Variants in SDC2 observed in about 807,000 individuals in gnomAD.
SDC2 encodes the protein syndecan 2.
A neutral mutation model predicts 22.2 loss-of-function variants in SDC2; 13 were observed. The observed-to-expected ratio is 0.59, with a 90% CI of 0.38 to 0.93. SDC2 has a LOEUF of 0.93. SDC2 is among the 40% of genes least tolerant of loss of function. SDC2 has a pLI of 0.00. For missense variants in SDC2, 235 were observed against 246.8 expected (o/e 0.95, Z 0.32); for synonymous variants, 94 against 92.8 (o/e 1.01, Z -0.07).
chr8:96,603,656 A>G (rs565654208), intron 3 of SDC2, among the ~76,000 whole-genome samples: 2 of 152,092 alleles, frequency 1.3e-5, no homozygotes, highest in African/African-American at 4.8e-5. Flanking sequence ...CTTGCCCCAG[A>G]GTACCTTTGT....
intron 1 of SDC2, among the ~76,000 whole-genome samples, chr8:96,532,758 G>T (rs114159268): frequency 0.031 from 4,672 of 152,140 alleles, 238 homozygotes; most frequent in African/African-American, 0.1. Context: ...GAGTACATCC[G>T]GGCTATGCAT....
chr8:96,509,486 G>A (rs1490716288), intron 1 of SDC2, among the ~76,000 whole-genome samples: 1 of 141,716 alleles, frequency 7.1e-6, no homozygotes, highest in Admixed American at 7.0e-5. Context: ...AAAGGAGGAG[G>A]CATTTTGGTT....
intron 1 of SDC2, among the ~76,000 whole-genome samples, chr8:96,571,665 C>G (rs760826942): frequency 3.3e-5 from 5 of 152,134 alleles, no homozygotes; most frequent in Admixed American, 6.5e-5. Flanking sequence ...GACAGCACCC[C>G]CTCTTGCTGG....
At chr8:96,505,424 C>T in intron 1 of SDC2, among the ~76,000 whole-genome samples, 1 of 152,112 alleles carries the variant, frequency 6.6e-6, no homozygotes, top group Admixed American at 6.5e-5. Flanking sequence ...CTGCCTCAGC[C>T]TTCTGAGTAG....
At chr8:96,516,561 C>T (rs1422922084) in intron 1 of SDC2, among the ~76,000 whole-genome samples, 1 of 152,012 alleles carries the variant, frequency 6.6e-6, no homozygotes, top group East Asian at 1.9e-4. Flanking sequence ...AAAAAAAAAC[C>T]TGTACCCATT....
intron 1 of SDC2, among the ~76,000 whole-genome samples, chr8:96,552,381 A>T (rs1374758612): frequency 6.6e-6 from 1 of 152,208 alleles, no homozygotes; most frequent in African/African-American, 2.4e-5. Context: ...GGGTTTCAAA[A>T]TTGAGAGAGA....
At chr8:96,603,970 A>G (rs144921800) in intron 3 of SDC2, among the ~76,000 whole-genome samples, 1 of 152,358 alleles carries the variant, frequency 6.6e-6, no homozygotes, top group African/African-American at 2.4e-5. Flanking sequence ...GGGAGAAATG[A>G]AAAGTGCAGG....
At chr8:96,530,654 A>G (rs1813646628) in intron 1 of SDC2, among the ~76,000 whole-genome samples, 1 of 152,178 alleles carries the variant, frequency 6.6e-6, no homozygotes, top group African/African-American at 2.4e-5. Context: ...AAACGAAACA[A>G]AAAAACCTGC....
Position 96,508,483 on chromosome 8 carries a change from A to AGGACTTCTTAGT in SDC2, c.60+14152_60+14153insGGACTTCTTAGT, listed in dbSNP as rs1436523391. On this transcript the variant is annotated intron_variant, in intron 1 of 4. Coordinates refer to ENST00000302190, the MANE Select transcript of SDC2 (RefSeq NM_002998.4). ...ACTCCAGCCTGGGTGACAGAGCAAG[A>AGGACTTCTTAGT]CTCCATCTCAAAAAAAAGAAAAAAA... 8.3e-4 allele frequency among the ~76,000 whole-genome samples: 117 copies of AGGACTTCTTAGT among 141,392 alleles called. 2 individuals are homozygous for AGGACTTCTTAGT. Among genetic ancestry groups the AGGACTTCTTAGT allele is most frequent in the Non-Finnish European group, 1.0e-3 (63 of 61,986 alleles). The allele number at this position is 141,392 out of a possible 152,430, so 92.8% of individuals were successfully genotyped here.
At position 96,611,648 on chromosome 8, in the gene SDC2, A is replaced by C. The variant is rs1315320116; in HGVS notation, c.*2100A>C. ...CAAAGCAGAGTGAAATTCAATTCATAGAATAACAACTGCTGGGAATATCCG... is the reference window on the plus strand; with the variant it reads ...CAAAGCAGAGTGAAATTCAATTCATCGAATAACAACTGCTGGGAATATCCG... On this transcript the variant is annotated 3_prime_UTR_variant, in exon 5 of 5. Coordinates refer to ENST00000302190, the MANE Select transcript of SDC2 (RefSeq NM_002998.4). 3 of 152,696 alleles carry C rather than the reference A, an allele frequency of 2.0e-5. No individual in the cohort carries two copies. In the East Asian group the frequency reaches 5.8e-4, roughly 29 times the overall value. The allele number at this position is 152,696 out of a possible 1,614,324, so 9.5% of individuals were successfully genotyped here.
intron 1 of SDC2, among the ~76,000 whole-genome samples, chr8:96,519,716 A>G (rs1375044061): frequency 6.6e-6 from 1 of 151,898 alleles, no homozygotes; most frequent in Non-Finnish European, 1.5e-5. Flanking sequence ...GTAGTGGTGC[A>G]ATCTCTCCTC....
intron 1 of SDC2, chr8:96,580,378 A>G (rs1475822870): frequency 2.0e-6 from 2 of 985,454 alleles, no homozygotes; most frequent in Non-Finnish European, 2.4e-6. Context: ...TGCCAAAGCC[A>G]GGTATGTCCA....
intron 1 of SDC2, among the ~76,000 whole-genome samples, chr8:96,534,633 C>T (rs547724397): frequency 1.3e-5 from 2 of 151,928 alleles, no homozygotes; most frequent in Admixed American, 6.6e-5. Flanking sequence ...GACGAGGGCT[C>T]GTCATGTTGC....
At position 96,494,213 on chromosome 8, in the gene SDC2, G is replaced by T; in HGVS notation, c.-59G>T. On this transcript the variant is annotated 5_prime_UTR_variant, in exon 1 of 5. Transcript: ENST00000302190. Reference sequence around the variant, plus strand: ...GCGGGCTGCGCCGAGCGCTGGGCAGGAGGCTTCGTTTTGCCCTGGTTGCAA... The same window carrying T: ...GCGGGCTGCGCCGAGCGCTGGGCAGTAGGCTTCGTTTTGCCCTGGTTGCAA... 1 of 1,501,166 alleles carries T rather than the reference G, an allele frequency of 6.7e-7. No homozygotes were observed. The highest frequency in any genetic ancestry group is 9.0e-7 in the Non-Finnish European group (1 of 1,113,420). The allele number at this position is 1,501,166 out of a possible 1,614,324, so 93.0% of individuals were successfully genotyped here. A position where few individuals can be genotyped will look rare whatever the true frequency, so the allele number is the denominator to read the frequency against.
chr8:96,494,626 G>GGTCTT (rs1813020198), intron 1 of SDC2, among the ~76,000 whole-genome samples: 1 of 152,154 alleles, frequency 6.6e-6, no homozygotes, highest in South Asian at 2.1e-4. Flanking sequence ...GCCCTCGGCG[G>GGTCTT]GTCTTGCTGC....
intron 1 of SDC2, among the ~76,000 whole-genome samples, chr8:96,531,682 A>G (rs1018646333): frequency 1.3e-5 from 2 of 152,252 alleles, no homozygotes; most frequent in Admixed American, 6.5e-5. Flanking sequence ...TTTGCCATCA[A>G]CTATTTAAAC....
At chr8:96,524,331 C>T (rs2439524) in intron 1 of SDC2, among the ~76,000 whole-genome samples, 111,322 of 152,064 alleles carry the variant, frequency 0.73, 41,696 homozygotes, top group Middle Eastern at 0.85. Context: ...GCTGACCTTT[C>T]GTTTGGGGGA....
chr8:96,542,629 A>T (rs1239470486), intron 1 of SDC2, among the ~76,000 whole-genome samples: 1 of 152,114 alleles, frequency 6.6e-6, no homozygotes, highest in African/African-American at 2.4e-5. Context: ...TGAAAGGGAC[A>T]GTTGGGGCAG....
intron 1 of SDC2, among the ~76,000 whole-genome samples, chr8:96,501,350 A>C (rs1340421781): frequency 8.6e-6 from 1 of 115,862 alleles, no homozygotes; most frequent in African/African-American, 3.5e-5. Context: ...TCCGTCGCCC[A>C]GGCTGGAGTG....
Sources: allele counts gnomAD v4.1 joint callset (sites outside exome capture counted in the v4.1 genomes callset), GRCh38; gene constraint gnomAD v4.1.1; transcripts MANE v1.5; gene names NCBI Gene and HGNC (gene_info 2026-07-23, HGNC 2026-07-21).